Variants in PLCXD2 observed in about 807,000 individuals in gnomAD.
PLCXD2 encodes the protein PI-PLC X domain-containing protein 2.
A neutral mutation model predicts 28.6 loss-of-function variants in PLCXD2; 21 were observed. The observed-to-expected ratio is 0.73, with a 90% CI of 0.52 to 1.06. PLCXD2 has a LOEUF of 1.06. Among genes scored for constraint, PLCXD2 ranks in the 50% least tolerant of loss-of-function variants. The pLI is 0.00. For synonymous variants in PLCXD2, 140 were observed against 150.1 expected, an observed-to-expected ratio of 0.93 and a Z score of 0.49; for missense variants, 369 against 376.7, an observed-to-expected ratio of 0.98 and a Z score of 0.17.
chr3:111,676,331 A>C (rs1443460551), intron 1 of PLCXD2, among the ~76,000 whole-genome samples: 1 of 152,182 alleles, frequency 6.6e-6, no homozygotes, highest in Non-Finnish European at 1.5e-5. Flanking sequence ...ACAGACTACC[A>C]GACAAACTCC....
intron 3 of PLCXD2, chr3:111,722,214 T>C (rs538966778): frequency 6.6e-6 from 1 of 152,078 alleles, no homozygotes; most frequent in East Asian, 1.9e-4. Context: ...TTTATTTATT[T>C]ATAGATTAAA....
At chr3:111,718,770 G>A (rs1200836066) in intron 3 of PLCXD2, among the ~76,000 whole-genome samples, 1 of 152,162 alleles carries the variant, frequency 6.6e-6, no homozygotes, top group African/African-American at 2.4e-5. Flanking sequence ...AGCATTCTCA[G>A]CCTACTGAGT....
chr3:111,679,587 C>A (rs1243862678), intron 1 of PLCXD2, among the ~76,000 whole-genome samples: 1 of 152,104 alleles, frequency 6.6e-6, no homozygotes, highest in Non-Finnish European at 1.5e-5. Flanking sequence ...TTGCAGCCAC[C>A]GCTGTTTTTC....
intron 2 of PLCXD2, among the ~76,000 whole-genome samples, chr3:111,711,984 A>G (rs1421144037): frequency 6.6e-6 from 1 of 152,188 alleles, no homozygotes; most frequent in Non-Finnish European, 1.5e-5. Flanking sequence ...GAAAAACTGA[A>G]CATGAACCAC....
chr3:111,708,032 A>G lies in PLCXD2; in HGVS notation c.270A>G (p.Leu90=). Residue 90 remains leucine, a synonymous_variant, in exon 2 of 5, where the codon CTA becomes CTG. Transcript: ENST00000477665. Reference sequence around the variant, plus strand: ...CCAGGATCTCCTTGGTGAAGAAGCTAATGAAGAAGTGGTCTGTGACTCAGA... The same window carrying G: ...CCAGGATCTCCTTGGTGAAGAAGCTGATGAAGAAGTGGTCTGTGACTCAGA... The G allele has an allele frequency of 6.2e-7, 1 of 1,614,182 alleles. No homozygotes were observed. The highest frequency in any genetic ancestry group is 8.5e-7 in the Non-Finnish European group (1 of 1,180,028).
chr3:111,680,355 T>C (rs975223405), intron 1 of PLCXD2, among the ~76,000 whole-genome samples: 2 of 152,042 alleles, frequency 1.3e-5, no homozygotes, highest in African/African-American at 4.8e-5. Context: ...TTGAGGATAG[T>C]ATGAACCGTG....
At chr3:111,690,982 A>G (rs899813627) in intron 1 of PLCXD2, among the ~76,000 whole-genome samples, 1 of 152,230 alleles carries the variant, frequency 6.6e-6, no homozygotes, top group Non-Finnish European at 1.5e-5. Flanking sequence ...ATGCTAAACA[A>G]TAAGTGAACT....
At chr3:111,716,909 G>A in intron 3 of PLCXD2, among the ~76,000 whole-genome samples, 1 of 152,176 alleles carries the variant, frequency 6.6e-6, no homozygotes, top group South Asian at 2.1e-4. Context: ...AGACACCACA[G>A]ATATGTGTTC....
Position 111,725,420 on chromosome 3 carries a change from G to A in PLCXD2, c.867-7199G>A, listed in dbSNP as rs1051013289. ...ACAGAGTGAACTGTTTGAGTGATAA[G>A]TAATTTAGGTAGAAACTTTACCCTT... On this transcript the variant is annotated intron_variant, in intron 3 of 4. Transcript: ENST00000477665. 5 of 379,656 alleles carry A rather than the reference G, an allele frequency of 1.3e-5. No individual in the cohort carries two copies. The Admixed American group carries it at 1.4e-4, about 10-fold the overall frequency. 23.5% of individuals were successfully genotyped at this position (379,656 alleles called of 1,614,324 possible).
intron 3 of PLCXD2, among the ~76,000 whole-genome samples, chr3:111,720,285 C>T (rs1941327403): frequency 6.6e-6 from 1 of 152,090 alleles, no homozygotes; most frequent in Middle Eastern, 3.2e-3. Context: ...ACCGCAGCCT[C>T]AACCTTCCAG....
intron 1 of PLCXD2, among the ~76,000 whole-genome samples, chr3:111,681,586 A>G (rs1051033686): frequency 1.3e-5 from 2 of 152,094 alleles, no homozygotes; most frequent in African/African-American, 4.8e-5. Flanking sequence ...TGTACCACCC[A>G]TTACCCAACA....
At chr3:111,682,979 A>C (rs368033529) in intron 1 of PLCXD2, among the ~76,000 whole-genome samples, 2 of 152,238 alleles carry the variant, frequency 1.3e-5, no homozygotes, top group African/African-American at 2.4e-5. Context: ...GTAGTTACTG[A>C]ATGCCCTTTT....
intron 1 of PLCXD2, among the ~76,000 whole-genome samples, chr3:111,703,990 G>T (rs988495411): frequency 1.5e-4 from 22 of 150,932 alleles, no homozygotes; most frequent in East Asian, 1.9e-4. Flanking sequence ...TATTTGATGG[G>T]TTTTTTTTTC....
chr3:111,675,604 A>G (rs753552656), intron 1 of PLCXD2, among the ~76,000 whole-genome samples, 196 bp downstream of exon 1: 1 of 152,244 alleles, frequency 6.6e-6, no homozygotes, highest in Admixed American at 6.5e-5. Context: ...AAAAGGACTC[A>G]TGAAAACAGA....
In PLCXD2 at chr3:111,707,929, C is replaced by T. The variant is rs946582933; in HGVS notation, c.167C>T (p.Ser56Leu). The T allele has an allele frequency of 9.3e-6, 15 of 1,612,670 alleles. No homozygotes were observed. The highest frequency in any genetic ancestry group is 1.3e-5 in the African/African-American group (1 of 74,888). ...TCACCTGTATTCCTTTGTACAGGCT[C>T]ACATGATTCATTCAGCTACTGGGTG... The change falls in exon 2 of 5, where the codon TCA becomes TTA. Residue 56 changes from serine to leucine, a missense_variant. Transcript: ENST00000477665.
At chr3:111,702,606 G>A (rs1394406537) in intron 1 of PLCXD2, among the ~76,000 whole-genome samples, 3 of 152,170 alleles carry the variant, frequency 2.0e-5, no homozygotes, top group East Asian at 3.8e-4. Flanking sequence ...GATGATTTTA[G>A]CAGCAGAAAT....
At chr3:111,714,183 A>G (rs993782247) in intron 3 of PLCXD2, 55 bp downstream of exon 3, 1 of 1,564,816 alleles carries the variant, frequency 6.4e-7, no homozygotes, top group African/African-American at 1.4e-5. Context: ...ATTTATCTTG[A>G]TTCTATTCTG....
At chr3:111,691,212 A>G (rs1940871783) in intron 1 of PLCXD2, 1 of 152,268 alleles carries the variant, frequency 6.6e-6, no homozygotes, top group African/African-American at 2.4e-5. Context: ...GTAAGTGTGA[A>G]AGAAAAATGT....
intron 1 of PLCXD2, among the ~76,000 whole-genome samples, chr3:111,695,083 A>G (rs997515255): frequency 2.0e-5 from 3 of 151,798 alleles, no homozygotes; most frequent in African/African-American, 7.3e-5. Context: ...CTTAAAAATC[A>G]TAAGTCATTA....
Sources: allele counts gnomAD v4.1 joint callset (sites outside exome capture counted in the v4.1 genomes callset), GRCh38; gene constraint gnomAD v4.1.1; transcripts MANE v1.5; gene names NCBI Gene and HGNC (gene_info 2026-07-23, HGNC 2026-07-21).